ZNF710: variants seen among roughly 807,000 people sequenced by gnomAD.
The protein encoded by ZNF710 is zinc finger protein 710.
In ZNF710, 13 loss-of-function variants were observed where a neutral mutation model predicts 50.6. The observed-to-expected ratio is 0.26, with a 90% CI of 0.17 to 0.41. The LOEUF (loss-of-function observed/expected upper bound fraction) is 0.41. ZNF710 is among the 10% of genes least tolerant of loss of function. The pLI, the probability that ZNF710 is intolerant of heterozygous loss-of-function variation, is 1.00. For missense variants in ZNF710, 721 were observed against 936.6 expected (o/e 0.77, Z 3.01); for synonymous variants, 383 against 397.0 (o/e 0.96, Z 0.42).
At chr15:90,043,878 T>C (rs1433961349) in intron 1 of ZNF710, among the ~76,000 whole-genome samples, 1 of 152,222 alleles carries the variant, frequency 6.6e-6, no homozygotes, top group African/African-American at 2.4e-5. Context: ...TCCCTCTTTT[T>C]TCCCCTTTTT....
At chr15:90,056,630 C>G (rs1478678733) in intron 1 of ZNF710, among the ~76,000 whole-genome samples, 2 of 152,204 alleles carry the variant, frequency 1.3e-5, no homozygotes, top group Non-Finnish European at 2.9e-5. Flanking sequence ...GCATCCCTCC[C>G]TTGCAGTAAA....
At chr15:90,069,049 G>A (rs1900286900) in intron 2 of ZNF710, among the ~76,000 whole-genome samples, 1 of 152,086 alleles carries the variant, frequency 6.6e-6, no homozygotes, top group Non-Finnish European at 1.5e-5. Context: ...CCAATGTGGT[G>A]AAACCCTGTC....
intron 1 of ZNF710, among the ~76,000 whole-genome samples, chr15:90,043,289 C>T (rs540271868): frequency 1.6e-4 from 25 of 152,360 alleles, no homozygotes; most frequent in African/African-American, 2.2e-4. Flanking sequence ...AGGAGACCTG[C>T]GGGCACCCAG....
Position 90,076,940 on chromosome 15 carries a change from C to T in ZNF710, c.1825+2650C>T, listed in dbSNP as rs144995749. ...TGCTTAGAATTCCTCTATTCCTGGC[C>T]GTACCAGATGACAGAAGGAAGCGAT... On this transcript the variant is annotated intron_variant, in intron 4 of 4. Transcript: ENST00000268154. 7.2e-4 allele frequency among the ~76,000 whole-genome samples: 109 copies of T among 152,174 alleles called. 2 individuals carry two copies. The East Asian group carries it at 0.015, about 22-fold the overall frequency.
chr15:90,057,566 G>A (rs1399214319), intron 1 of ZNF710, among the ~76,000 whole-genome samples: 3 of 151,924 alleles, frequency 2.0e-5, no homozygotes, highest in Admixed American at 6.6e-5. Flanking sequence ...GCGTGGTGGC[G>A]CGCTCCTGTA....
intron 4 of ZNF710, among the ~76,000 whole-genome samples, chr15:90,078,088 G>A (rs1900636536): frequency 6.6e-6 from 1 of 151,720 alleles, no homozygotes; most frequent in Non-Finnish European, 1.5e-5. Context: ...GCGCATGCCT[G>A]TAATCTCAGC....
intron 1 of ZNF710, among the ~76,000 whole-genome samples, chr15:90,006,204 G>A (rs564160115): frequency 1.3e-5 from 2 of 152,270 alleles, no homozygotes; most frequent in African/African-American, 2.4e-5. Flanking sequence ...GCTGTTGTGA[G>A]ATTAGGGCTA....
intron 1 of ZNF710, among the ~76,000 whole-genome samples, chr15:90,016,119 G>C (rs1898449379): frequency 6.6e-6 from 1 of 152,120 alleles, no homozygotes; most frequent in Non-Finnish European, 1.5e-5. Flanking sequence ...TCTGTATTTT[G>C]AATCTTGTAC....
intron 1 of ZNF710, among the ~76,000 whole-genome samples, chr15:90,009,843 C>T (rs1898251381): frequency 6.6e-6 from 1 of 152,110 alleles, no homozygotes; most frequent in Non-Finnish European, 1.5e-5. Context: ...CACTCTCACT[C>T]CAGCTGGCTC....
chr15:90,066,209 A>G (rs1320830526), intron 1 of ZNF710, among the ~76,000 whole-genome samples: 3 of 152,206 alleles, frequency 2.0e-5, no homozygotes, highest in Admixed American at 1.3e-4. Flanking sequence ...GATTGGCCTC[A>G]GCACCTAGTT....
intron 1 of ZNF710, among the ~76,000 whole-genome samples, chr15:90,063,431 A>G (rs1367154154): frequency 1.3e-5 from 2 of 151,960 alleles, no homozygotes; most frequent in South Asian, 4.1e-4. Flanking sequence ...AGTGTCTGTA[A>G]TGAGAAGCTG....
Position 90,068,272 on chromosome 15 carries a change from T to C in ZNF710, c.1135T>C (p.Tyr379His), listed in dbSNP as rs1900256717. 1 of 1,613,084 alleles carries C rather than the reference T, an allele frequency of 6.2e-7. No homozygotes were observed. The highest frequency in any genetic ancestry group is 1.7e-5 in the Admixed American group (1 of 60,012). The change falls in exon 2 of 5, where the codon TAC becomes CAC. Residue 379 changes from tyrosine to histidine, a missense_variant. By Grantham distance (83) the Tyr-to-His change is moderately conservative. Coordinates refer to ENST00000268154, the MANE Select transcript of ZNF710 (RefSeq NM_198526.4). The surrounding 1 kb of genome is among the most constrained non-coding windows in gnomAD (Gnocchi z 5.0). ...GCTGCTGCACTCGGAGGTCAAGCCCTACAGCTGCCACTTCTGCGGCCGCGG... is the reference window on the plus strand; with the variant it reads ...GCTGCTGCACTCGGAGGTCAAGCCCCACAGCTGCCACTTCTGCGGCCGCGG... ...HMLLHSEVKP[Y>H]SCHFCGRGFA...
At chr15:90,027,669 T>C (rs979090687) in intron 1 of ZNF710, among the ~76,000 whole-genome samples, 12 of 152,000 alleles carry the variant, frequency 7.9e-5, no homozygotes, top group Non-Finnish European at 1.2e-4. Flanking sequence ...CTGGCCAACA[T>C]GGCAAAACCC....
At chr15:90,016,168 G>A (rs1052692940) in intron 1 of ZNF710, among the ~76,000 whole-genome samples, 1 of 151,960 alleles carries the variant, frequency 6.6e-6, no homozygotes, top group Non-Finnish European at 1.5e-5. Context: ...TTTAAAGAAG[G>A]AAAAAAGGAT....
chr15:90,020,918 G>C (rs1393345180), intron 1 of ZNF710, among the ~76,000 whole-genome samples: 1 of 152,060 alleles, frequency 6.6e-6, no homozygotes, highest in African/African-American at 2.4e-5. Flanking sequence ...ATTAAGATTT[G>C]GGGAAAGCAG....
intron 1 of ZNF710, among the ~76,000 whole-genome samples, chr15:90,015,213 G>A (rs1423641914): frequency 1.3e-5 from 2 of 152,076 alleles, no homozygotes; most frequent in African/African-American, 2.4e-5. Flanking sequence ...TTTTAAAGCA[G>A]GCTAAAAACA....
At chr15:90,036,190 C>T (rs1475698848) in intron 1 of ZNF710, among the ~76,000 whole-genome samples, 2 of 151,848 alleles carry the variant, frequency 1.3e-5, no homozygotes, top group Non-Finnish European at 2.9e-5. Context: ...AGCTTTGAGA[C>T]TCCCCTCCCG....
intron 4 of ZNF710, chr15:90,074,693 C>G (rs1348353217): frequency 2.7e-6 from 1 of 369,278 alleles, no homozygotes; most frequent in Non-Finnish European, 5.0e-6. Flanking sequence ...GTGACAGACA[C>G]TTTATTTCGT....
intron 1 of ZNF710, among the ~76,000 whole-genome samples, chr15:90,057,252 G>T (rs1280047131): frequency 6.6e-6 from 1 of 152,082 alleles, no homozygotes; most frequent in Non-Finnish European, 1.5e-5. Flanking sequence ...CTAGATGGTG[G>T]GGGTATGCTA....
Sources: gnomAD v4.1 joint callset for allele counts (sites outside exome capture counted in the v4.1 genomes callset) on GRCh38, gnomAD v4.1.1 for gene constraint, Gnocchi (gnomAD v3.1) non-coding constraint, MANE v1.5 for transcripts, NCBI Gene and HGNC (gene_info 2026-07-23, HGNC 2026-07-21) for gene names.